Variants in KCNJ4 observed in about 807,000 individuals in gnomAD.
KCNJ4 encodes the protein potassium inwardly rectifying channel subfamily J member 4, also known as inward rectifier potassium channel 4.
In KCNJ4, 3 loss-of-function variants were observed where a neutral mutation model predicts 25.6. The observed-to-expected ratio is 0.12, with a 90% CI of 0.05 to 0.30. The LOEUF (loss-of-function observed/expected upper bound fraction) is 0.30, where lower values mean the gene tolerates loss of function less well. Among genes scored for constraint, KCNJ4 ranks in the 10% least tolerant of loss-of-function variants. The pLI is 1.00. For missense variants in KCNJ4, 286 were observed against 666.8 expected, an observed-to-expected ratio of 0.43 and a Z score of 6.29; for synonymous variants, 257 against 283.9, an observed-to-expected ratio of 0.91 and a Z score of 0.95.
At chr22:38,435,682 G>T (rs1313839135) in intron 1 of KCNJ4, among the ~76,000 whole-genome samples, 1 of 149,918 alleles carries the variant, frequency 6.7e-6, no homozygotes, top group African/African-American at 2.5e-5. Context: ...AACAGAGCGA[G>T]ACTCTGTCTC....
At chr22:38,442,799 G>C (rs2089346104) in intron 1 of KCNJ4, among the ~76,000 whole-genome samples, 1 of 152,134 alleles carries the variant, frequency 6.6e-6, no homozygotes. Context: ...CTGGAGTGCA[G>C]TGGCACTATC....
In KCNJ4 at chr22:38,443,795, C is replaced by T. The variant is rs1023801190; in HGVS notation, c.-40+11185G>A. Among the ~76,000 whole-genome samples the T allele has an allele frequency of 6.6e-6, 1 of 152,186 alleles. No individual in the cohort carries two copies. The highest frequency in any genetic ancestry group is 1.5e-5 in the Non-Finnish European group (1 of 68,032). On this transcript the variant is annotated intron_variant, in intron 1 of 1. Coordinates refer to ENST00000303592, the MANE Select transcript of KCNJ4 (RefSeq NM_152868.3). This position sits in a 1 kb window ranked among gnomAD's most constrained non-coding sequence, Gnocchi z 4.1. ...AGTCTCTGCCCACCACCTCCTCCCA[C>T]AGCCTCCACCCACCTCCCGCAGTCC...
intron 1 of KCNJ4, among the ~76,000 whole-genome samples, chr22:38,451,732 T>C (rs959156273): frequency 1.3e-5 from 2 of 152,128 alleles, no homozygotes; most frequent in Non-Finnish European, 2.9e-5. Context: ...ATGGGTCCAC[T>C]TCCCCCTCAG....
chr22:38,448,102 C>T (rs1291422034), intron 1 of KCNJ4, among the ~76,000 whole-genome samples: 11 of 151,160 alleles, frequency 7.3e-5, no homozygotes, highest in East Asian at 1.9e-4. Context: ...AAAAAGTAGC[C>T]GGGCATGGTG....
intron 1 of KCNJ4, among the ~76,000 whole-genome samples, chr22:38,429,779 GC>G (rs1349926289): frequency 6.6e-6 from 1 of 152,220 alleles, no homozygotes; most frequent in Non-Finnish European, 1.5e-5. Flanking sequence ...CCAGCAGCTG[GC>G]AGGGCCAGGA....
chr22:38,442,544 C>CA (rs10631730), intron 1 of KCNJ4, among the ~76,000 whole-genome samples: 1,875 of 93,900 alleles, frequency 0.02, 77 homozygotes, highest in African/African-American at 0.04. Flanking sequence ...AAGACTCCAT[C>CA]AAAAAAAAAA....
At chr22:38,448,375 G>C (rs1037740751) in intron 1 of KCNJ4, among the ~76,000 whole-genome samples, 1 of 152,014 alleles carries the variant, frequency 6.6e-6, no homozygotes, top group East Asian at 1.9e-4. Flanking sequence ...GGTGGCCCCC[G>C]ATACACAGAG....
intron 1 of KCNJ4, among the ~76,000 whole-genome samples, chr22:38,436,589 C>A (rs2093066200): frequency 6.6e-6 from 1 of 152,132 alleles, no homozygotes; most frequent in South Asian, 2.1e-4. Flanking sequence ...GAAAGCTGTC[C>A]CCCTCCCCAC....
At chr22:38,431,498 C>G (rs78444991) in intron 1 of KCNJ4, among the ~76,000 whole-genome samples, 2,418 of 152,328 alleles carry the variant, frequency 0.016, 82 homozygotes, top group East Asian at 0.12. Flanking sequence ...GCCTCCCCGA[C>G]AGCCCACAGC....
intron 1 of KCNJ4, among the ~76,000 whole-genome samples, chr22:38,431,229 G>A (rs888203922): frequency 6.6e-6 from 1 of 152,200 alleles, no homozygotes; most frequent in Non-Finnish European, 1.5e-5. Context: ...TTCACCTGGT[G>A]CTGCAGACGA....
Position 38,427,272 on chromosome 22 carries a change from C to T in KCNJ4, c.861G>A (p.Val287=), listed in dbSNP as rs778057594. Residue 287 remains valine (V), a synonymous_variant, in exon 2 of 2, where the codon GTG becomes GTA. Coordinates refer to ENST00000303592, the MANE Select transcript of KCNJ4 (RefSeq NM_152868.3). The part of the protein sequence containing the change: ...EELESEDFEI[V]VILEGMVEAT... Reference sequence around the variant, plus strand: ...CCTCCACCATGCCCTCCAGGATGACCACGATCTCAAAGTCCTCCGACTCCA... The same window carrying T: ...CCTCCACCATGCCCTCCAGGATGACTACGATCTCAAAGTCCTCCGACTCCA... 2.6e-5 allele frequency: 42 copies of T among 1,613,698 alleles called. 1 individual carries two copies.
intron 1 of KCNJ4, among the ~76,000 whole-genome samples, chr22:38,428,994 G>A (rs2093041056): frequency 6.6e-6 from 1 of 151,532 alleles, no homozygotes. Flanking sequence ...TAAGGCAGGA[G>A]GATCTATTGA....
chr22:38,445,086 T>G (rs1383273404), intron 1 of KCNJ4, among the ~76,000 whole-genome samples: 1 of 151,906 alleles, frequency 6.6e-6, no homozygotes, highest in East Asian at 1.9e-4. Context: ...TGTGTGTGTG[T>G]GAAAGGGCAT....
At chr22:38,451,317 A>C (rs1433044964) in intron 1 of KCNJ4, among the ~76,000 whole-genome samples, 1 of 152,138 alleles carries the variant, frequency 6.6e-6, no homozygotes, top group East Asian at 1.9e-4. Context: ...ACTATCTCAC[A>C]AAACAACCAC....
At position 38,443,271 on chromosome 22, in the gene KCNJ4, C is replaced by T. The variant is rs1415185313; in HGVS notation, c.-40+11709G>A. 1.3e-5 allele frequency among the ~76,000 whole-genome samples: 2 copies of T among 152,144 alleles called. No homozygotes were observed. The highest frequency in any genetic ancestry group is 2.4e-5 in the African/African-American group (1 of 41,434). On this transcript the variant is annotated intron_variant, in intron 1 of 1. Coordinates refer to ENST00000303592, the MANE Select transcript of KCNJ4 (RefSeq NM_152868.3). The surrounding 1 kb of genome is among the most constrained non-coding windows in gnomAD (Gnocchi z 4.1). ...ACCCACACCGTGCAGTGCCCAGCTC[C>T]GCCATCCCACCTCCCTTCTCTTCTC...
chr22:38,428,220 C>CAT (rs2093039070), intron 1 of KCNJ4, 49 bp from the exon 2 acceptor site: 89 of 1,485,276 alleles, frequency 6.0e-5, no homozygotes, highest in Non-Finnish European at 7.9e-5. Flanking sequence ...CGAGGGGCTC[C>CAT]CTCGGGGCCA....
At position 38,426,975 on chromosome 22, in the gene KCNJ4, C is replaced by G; in HGVS notation, c.1158G>C (p.Glu386Asp). 1 of 1,612,802 alleles carries G rather than the reference C, an allele frequency of 6.2e-7. No homozygotes were observed. Among genetic ancestry groups the G allele is most frequent in the South Asian group, 1.1e-5 (1 of 91,066 alleles). The change falls in exon 2 of 2, where the codon GAG (glutamate) becomes GAC (aspartate). Residue 386 changes from glutamate (E) to aspartate (D), a missense_variant. Physicochemically the swap from Glu to Asp is conservative, Grantham distance 45. Transcript: ENST00000303592. ...ELALMSQEEE[E>D]MEEEAAAAAA... ...CCGCCGCAGCTGCCTCCTCCTCCAT[C>G]TCCTCTTCCTCCTGGCTCATAAGGG...
chr22:38,450,866 C>T (rs553917450), intron 1 of KCNJ4, among the ~76,000 whole-genome samples: 11 of 152,142 alleles, frequency 7.2e-5, no homozygotes, highest in Admixed American at 1.3e-4. Flanking sequence ...TAGACCATCT[C>T]CTGCCAAGCC....
Position 38,449,663 on chromosome 22 carries a change from C to T in KCNJ4, c.-40+5317G>A, listed in dbSNP as rs2089398531. ...CACTCCTCCCCACCGGTTTCCCACC[C>T]TGTGTGTCCCAACAGAGAACAGTGG... On this transcript the variant is annotated intron_variant, in intron 1 of 1. Coordinates refer to ENST00000303592, the MANE Select transcript of KCNJ4 (RefSeq NM_152868.3). The surrounding 1 kb of genome is among the most constrained non-coding windows in gnomAD (Gnocchi z 5.2). Among the ~76,000 whole-genome samples the T allele has an allele frequency of 6.6e-6, 1 of 152,272 alleles. No homozygotes were observed. The highest frequency in any genetic ancestry group is 2.1e-4 in the South Asian group (1 of 4,836).
Sources: allele counts gnomAD v4.1 joint callset (sites outside exome capture counted in the v4.1 genomes callset), GRCh38; gene constraint gnomAD v4.1.1; non-coding constraint Gnocchi (gnomAD v3.1); transcripts MANE v1.5; gene names NCBI Gene and HGNC (gene_info 2026-07-23, HGNC 2026-07-21).